Variants in SCGN observed in about 807,000 individuals in gnomAD.
The protein encoded by SCGN is secretagogin.
Under a neutral mutation model 39.7 loss-of-function variants are expected in SCGN, and 30 were observed. The observed-to-expected ratio is 0.76, with a 90% CI of 0.57 to 1.03. The LOEUF (loss-of-function observed/expected upper bound fraction) is 1.03, where lower values mean the gene tolerates loss of function less well. SCGN is among the 50% of genes least tolerant of loss of function. SCGN has a pLI of 0.00. For missense variants in SCGN, 353 were observed against 349.4 expected, an observed-to-expected ratio of 1.01 and a Z score of -0.08; for synonymous variants, 106 against 114.1, an observed-to-expected ratio of 0.93 and a Z score of 0.45.
At chr6:25,697,220 A>G (rs896613557) in intron 10 of SCGN, among the ~76,000 whole-genome samples, 1 of 152,262 alleles carries the variant, frequency 6.6e-6, no homozygotes, top group Non-Finnish European at 1.5e-5. Flanking sequence ...TTGTTGGTAG[A>G]GACCTGGACA....
At chr6:25,664,181 T>C (rs1161629149) in intron 3 of SCGN, among the ~76,000 whole-genome samples, 1 of 152,224 alleles carries the variant, frequency 6.6e-6, no homozygotes, top group Non-Finnish European at 1.5e-5. Flanking sequence ...GCTGATTGGT[T>C]GAATTCATCA....
Position 25,681,945 on chromosome 6 carries a change from T to A in SCGN, c.472-6T>A. 6.2e-7 allele frequency: 1 copy of A among 1,612,158 alleles called. No individual in the cohort carries two copies. On this transcript the variant is annotated splice_polypyrimidine_tract_variant and splice_region_variant and intron_variant, in intron 6 of 10. Coordinates refer to ENST00000377961, the MANE Select transcript of SCGN (RefSeq NM_006998.4). ...AAGTACAACCATTTTCCCTTCTGCA[T>A]TTCAGATGAAGATTTTTGACAGAAA...
chr6:25,663,974 T>G (rs1237541192), intron 3 of SCGN, among the ~76,000 whole-genome samples: 11 of 152,156 alleles, frequency 7.2e-5, no homozygotes, highest in Non-Finnish European at 4.4e-5. Flanking sequence ...ACTACTCAGT[T>G]ATAGAAGAAA....
chr6:25,669,487 A>T (rs1759460950), intron 4 of SCGN, 24 bp from the exon 5 acceptor site: 4 of 1,603,876 alleles, frequency 2.5e-6, no homozygotes, highest in Non-Finnish European at 3.4e-6. Flanking sequence ...GGATAAATTA[A>T]TTAGTGACTT....
At chr6:25,662,098 C>T (rs945035965) in intron 3 of SCGN, among the ~76,000 whole-genome samples, 5 of 152,172 alleles carry the variant, frequency 3.3e-5, no homozygotes, top group African/African-American at 9.6e-5. Flanking sequence ...GCACGACAGA[C>T]AATAGGTGTC....
intron 10 of SCGN, among the ~76,000 whole-genome samples, chr6:25,695,037 G>T (rs1009919517): frequency 1.1e-4 from 17 of 152,182 alleles, no homozygotes; most frequent in African/African-American, 4.1e-4. Context: ...TAACTCTGAA[G>T]TAAGCTTATC....
At chr6:25,670,338 T>A (rs1005296727) in intron 6 of SCGN, among the ~76,000 whole-genome samples, 1 of 152,246 alleles carries the variant, frequency 6.6e-6, no homozygotes, top group Admixed American at 6.5e-5. Context: ...ATTAGGTTTC[T>A]AAGCATCAGG....
intron 6 of SCGN, 42 bp downstream of exon 6, chr6:25,670,118 C>T (rs201201205): frequency 1.1e-5 from 15 of 1,354,462 alleles, no homozygotes; most frequent in Non-Finnish European, 1.6e-5. Flanking sequence ...GCAGCTCCCC[C>T]ACTCCCTCCC....
At chr6:25,675,210 G>A (rs1341025099) in intron 6 of SCGN, among the ~76,000 whole-genome samples, 1 of 152,182 alleles carries the variant, frequency 6.6e-6, no homozygotes, top group Non-Finnish European at 1.5e-5. Context: ...TTTATTTTAT[G>A]AAATGAGTTT....
chr6:25,658,289 T>C (rs977087590), intron 2 of SCGN, among the ~76,000 whole-genome samples: 20 of 151,840 alleles, frequency 1.3e-4, no homozygotes, highest in African/African-American at 4.1e-4. Context: ...TCCACCCACC[T>C]GAGCCTCCCA....
At chr6:25,654,747 C>A (rs541682278) in intron 2 of SCGN, among the ~76,000 whole-genome samples, 1 of 152,148 alleles carries the variant, frequency 6.6e-6, no homozygotes, top group East Asian at 1.9e-4. Context: ...TCTCCTTCAC[C>A]CTTTTCTTTG....
At chr6:25,699,216 C>T (rs901564923) in intron 10 of SCGN, among the ~76,000 whole-genome samples, 1 of 152,108 alleles carries the variant, frequency 6.6e-6, no homozygotes, top group Non-Finnish European at 1.5e-5. Flanking sequence ...TCTCTCTGTA[C>T]ATTGACTTTT....
chr6:25,699,848 G>A (rs919181584), intron 10 of SCGN, among the ~76,000 whole-genome samples: 4 of 152,056 alleles, frequency 2.6e-5, no homozygotes, highest in African/African-American at 9.7e-5. Flanking sequence ...TGGTTGGTTC[G>A]GGTGAGCTCT....
intron 7 of SCGN, among the ~76,000 whole-genome samples, chr6:25,688,598 G>A (rs1316247738): frequency 1.3e-5 from 2 of 152,026 alleles, no homozygotes; most frequent in African/African-American, 2.4e-5. Context: ...TCAGGAGATC[G>A]AGACCATCCT....
At chr6:25,700,198 T>C (rs1759892430) in intron 10 of SCGN, among the ~76,000 whole-genome samples, 1 of 129,448 alleles carries the variant, frequency 7.7e-6, no homozygotes, top group Non-Finnish European at 1.5e-5. Context: ...TGAGCCGAGA[T>C]CACTGCCACT....
At chr6:25,666,456 T>G (rs12525376) in intron 4 of SCGN, among the ~76,000 whole-genome samples, 44,062 of 152,076 alleles carry the variant, frequency 0.29, 6,472 homozygotes, top group African/African-American at 0.34. Flanking sequence ...TAATGTTGCA[T>G]CGTCACTTAT....
intron 7 of SCGN, among the ~76,000 whole-genome samples, chr6:25,686,605 T>C (rs976038466): frequency 2.6e-5 from 4 of 152,212 alleles, no homozygotes; most frequent in African/African-American, 9.6e-5. Context: ...TAGACACTTA[T>C]CAGATGTATA....
At chr6:25,661,294 C>T (rs1363030467) in intron 2 of SCGN, among the ~76,000 whole-genome samples, 1 of 152,130 alleles carries the variant, frequency 6.6e-6, no homozygotes, top group Admixed American at 6.6e-5. Flanking sequence ...CTCTAAGCTT[C>T]TTTTCATCAA....
At chr6:25,682,985 C>A (rs1488195602) in intron 7 of SCGN, among the ~76,000 whole-genome samples, 1 of 152,196 alleles carries the variant, frequency 6.6e-6, no homozygotes, top group Non-Finnish European at 1.5e-5. Flanking sequence ...GGAAGAATAT[C>A]TCCTCAGTAA....
Sources: gnomAD v4.1 joint callset for allele counts (sites outside exome capture counted in the v4.1 genomes callset) on GRCh38, gnomAD v4.1.1 for gene constraint, MANE v1.5 for transcripts, NCBI Gene and HGNC (gene_info 2026-07-23, HGNC 2026-07-21) for gene names.